Variants in DISC1 observed in about 807,000 individuals in gnomAD.
DISC1 encodes the protein disrupted in schizophrenia 1 protein.
A neutral mutation model predicts 84.5 loss-of-function variants in DISC1; 57 were observed. The observed-to-expected ratio is 0.67, with a 90% CI of 0.55 to 0.84. The LOEUF (loss-of-function observed/expected upper bound fraction) is 0.84, where lower values mean the gene tolerates loss of function less well. Ranked by LOEUF, DISC1 falls within the 40% of genes least tolerant of loss-of-function variation. The pLI, the probability that DISC1 is intolerant of heterozygous loss-of-function variation, is 0.00. For missense variants in DISC1, 1,000 were observed against 1,057.8 expected, an observed-to-expected ratio of 0.95 and a Z score of 0.76; for synonymous variants, 411 against 415.2, an observed-to-expected ratio of 0.99 and a Z score of 0.12.
chr1:231,775,620 C>A (rs1299579165), intron 6 of DISC1, among the ~76,000 whole-genome samples: 5 of 152,142 alleles, frequency 3.3e-5, no homozygotes, highest in Admixed American at 6.5e-5. Context: ...AAGGAGAACC[C>A]TTTTTAAGCA....
At chr1:231,738,223 A>G (rs1300758503) in intron 3 of DISC1, among the ~76,000 whole-genome samples, 1 of 152,150 alleles carries the variant, frequency 6.6e-6, no homozygotes, top group Non-Finnish European at 1.5e-5. Context: ...GCTTCCTCCA[A>G]GTCATGAAGT....
intron 8 of DISC1, among the ~76,000 whole-genome samples, chr1:231,803,809 G>A (rs913785833): frequency 6.6e-6 from 1 of 151,980 alleles, no homozygotes; most frequent in Non-Finnish European, 1.5e-5. Flanking sequence ...TTAGCTAGGC[G>A]TCATGGCGGG....
intron 1 of DISC1, among the ~76,000 whole-genome samples, chr1:231,634,710 C>T (rs2059041059): frequency 6.6e-6 from 1 of 152,118 alleles, no homozygotes; most frequent in Non-Finnish European, 1.5e-5. Context: ...ACACTAGCAC[C>T]TACTGTATAC....
intron 9 of DISC1, chr1:231,866,589 C>A: frequency 7.2e-7 from 1 of 1,392,670 alleles, no homozygotes; most frequent in Non-Finnish European, 1.0e-6. Context: ...GGACAGCCTG[C>A]AGGACACAGC....
At chr1:231,753,819 C>A (rs1199520715) in intron 4 of DISC1, among the ~76,000 whole-genome samples, 1 of 152,162 alleles carries the variant, frequency 6.6e-6, no homozygotes, top group African/African-American at 2.4e-5. Context: ...AGCAGCCAGG[C>A]CACATCTTGA....
At chr1:231,825,338 T>A (rs576053713) in intron 9 of DISC1, among the ~76,000 whole-genome samples, 2 of 152,200 alleles carry the variant, frequency 1.3e-5, no homozygotes, top group Non-Finnish European at 2.9e-5. Flanking sequence ...CTTGACTCTA[T>A]GTAATAGGGT....
intron 9 of DISC1, among the ~76,000 whole-genome samples, chr1:231,894,397 A>G (rs921972055): frequency 2.0e-5 from 3 of 152,152 alleles, no homozygotes; most frequent in Non-Finnish European, 4.4e-5. Flanking sequence ...CAGATACACA[A>G]ATGTTGTATA....
At chr1:232,028,842 C>T (rs998479498) in intron 12 of DISC1, among the ~76,000 whole-genome samples, 2 of 152,170 alleles carry the variant, frequency 1.3e-5, no homozygotes, top group Non-Finnish European at 2.9e-5. Context: ...CAATCAGTAA[C>T]TCCACAGTGG....
chr1:231,914,963 G>A (rs2126064346), intron 9 of DISC1, among the ~76,000 whole-genome samples: 1 of 152,298 alleles, frequency 6.6e-6, no homozygotes, highest in East Asian at 1.9e-4. Context: ...GAATGAAATA[G>A]GTGAGGCAAC....
In DISC1 at chr1:231,657,394, C is replaced by T. The variant is rs550953425; in HGVS notation, c.67+30460C>T. On this transcript the variant is annotated intron_variant, in intron 1 of 12. Transcript: ENST00000439617. Reference sequence around the variant, plus strand: ...TTCTCTAATGATCAGTTATGTTGAGCGTTTTGTCATGTTTGTTGGCTGGAT... The same window carrying T: ...TTCTCTAATGATCAGTTATGTTGAGTGTTTTGTCATGTTTGTTGGCTGGAT... 3.9e-5 allele frequency among the ~76,000 whole-genome samples: 6 copies of T among 152,238 alleles called. No individual in the cohort carries two copies. In the East Asian group the frequency reaches 5.8e-4, roughly 15 times the overall value.
At chr1:231,998,209 A>C (rs777577742) in intron 10 of DISC1, among the ~76,000 whole-genome samples, 1 of 152,236 alleles carries the variant, frequency 6.6e-6, no homozygotes, top group Non-Finnish European at 1.5e-5. Context: ...GGACACCAGC[A>C]ATAGTCAGAG....
chr1:231,762,481 C>T (rs1182982307), intron 4 of DISC1, among the ~76,000 whole-genome samples: 4 of 149,400 alleles, frequency 2.7e-5, no homozygotes, highest in Non-Finnish European at 4.4e-5. Context: ...ACTACAAGCA[C>T]GTGCCACTGT....
Position 231,934,542 on chromosome 1 carries a change from T to C in DISC1, c.1982-24286T>C, listed in dbSNP as rs145176248. On this transcript the variant is annotated intron_variant, in intron 9 of 12. Coordinates refer to ENST00000439617, the MANE Select transcript of DISC1 (RefSeq NM_018662.3). ...AGTGACGCAAATCACAGTAGAAATA[T>C]GCAACTTATGGAAGTGAAATCCTTT... Among the ~76,000 whole-genome samples the C allele has an allele frequency of 1.5e-3, 231 of 152,342 alleles. 2 individuals are homozygous for C. The highest frequency in any genetic ancestry group is 8.4e-3 in the Admixed American group (128 of 15,308).
At chr1:231,701,335 G>A (rs1182669514) in intron 2 of DISC1, among the ~76,000 whole-genome samples, 1 of 152,116 alleles carries the variant, frequency 6.6e-6, no homozygotes, top group East Asian at 1.9e-4. Flanking sequence ...GATTTGGGTG[G>A]GGACACAGCC....
At chr1:231,862,498 G>A (rs60641255) in intron 9 of DISC1, among the ~76,000 whole-genome samples, 10,670 of 152,086 alleles carry the variant, frequency 0.07, 1,062 homozygotes, top group African/African-American at 0.22. Flanking sequence ...TTTTCTTCTG[G>A]TTTTCAGACA....
rs578160129 is a variant in DISC1, at chr1:231,905,276, A to G, written c.1982-53552A>G. Among the ~76,000 whole-genome samples, 474 of 152,292 alleles carry G rather than the reference A, an allele frequency of 3.1e-3. 4 individuals are homozygous for G. Among genetic ancestry groups the G allele is most frequent in the African/African-American group, 0.011 (466 of 41,556 alleles). On this transcript the variant is annotated intron_variant, in intron 9 of 12. Coordinates refer to ENST00000439617, the MANE Select transcript of DISC1 (RefSeq NM_018662.3). ...GGAAACTCAGATGGAGGTGCATTCC[A>G]CAAAATAACTGGCCTATGGTCTTCA...
chr1:231,899,610 G>T (rs1044220136), intron 9 of DISC1, among the ~76,000 whole-genome samples: 1 of 152,078 alleles, frequency 6.6e-6, no homozygotes, highest in African/African-American at 2.4e-5. Context: ...CTCCCTTCCC[G>T]ATCAAAGCCT....
At chr1:231,832,435 G>A (rs2082304209) in intron 9 of DISC1, among the ~76,000 whole-genome samples, 2 of 152,098 alleles carry the variant, frequency 1.3e-5, no homozygotes, top group South Asian at 4.1e-4. Flanking sequence ...TGTTTTGTAA[G>A]GGATTGAGGT....
At chr1:231,919,309 C>A (rs567249150) in intron 9 of DISC1, among the ~76,000 whole-genome samples, 4 of 152,310 alleles carry the variant, frequency 2.6e-5, no homozygotes, top group Admixed American at 2.6e-4. Context: ...AAACACCATT[C>A]ATTTGTGTTA....
Sources: gnomAD v4.1 joint callset for allele counts (sites outside exome capture counted in the v4.1 genomes callset) on GRCh38, gnomAD v4.1.1 for gene constraint, MANE v1.5 for transcripts, NCBI Gene and HGNC (gene_info 2026-07-23, HGNC 2026-07-21) for gene names.